Variants in HERPUD2 observed in about 807,000 individuals in gnomAD.
The protein encoded by HERPUD2 is HERPUD family member 2.
In HERPUD2, 13 loss-of-function variants were observed where a neutral mutation model predicts 49.9. The observed-to-expected ratio is 0.26, with a 90% CI of 0.17 to 0.41. HERPUD2 has a LOEUF of 0.41. Among genes scored for constraint, HERPUD2 ranks in the 10% least tolerant of loss-of-function variants. The pLI is 1.00. For synonymous variants in HERPUD2, 172 were observed against 171.4 expected (o/e 1.00, Z -0.03); for missense variants, 449 against 492.2 (o/e 0.91, Z 0.83).
chr7:35,645,327 G>A (rs574472197), intron 5 of HERPUD2, among the ~76,000 whole-genome samples: 17 of 152,236 alleles, frequency 1.1e-4, no homozygotes, highest in African/African-American at 4.1e-4. Flanking sequence ...CTTCCCTATA[G>A]TCATAGATAC....
At chr7:35,692,707 T>C (rs1230166538) in intron 2 of HERPUD2, among the ~76,000 whole-genome samples, 2 of 152,196 alleles carry the variant, frequency 1.3e-5, no homozygotes, top group Non-Finnish European at 2.9e-5. Context: ...CTAATGCCGA[T>C]TAAGAGTTGT....
At chr7:35,639,496 C>T (rs889140141) in intron 5 of HERPUD2, among the ~76,000 whole-genome samples, 3 of 152,162 alleles carry the variant, frequency 2.0e-5, no homozygotes, top group Non-Finnish European at 4.4e-5. Context: ...CTCCCCCATT[C>T]CAACACCGAA....
chr7:35,638,368 T>C lies in HERPUD2; in HGVS notation c.599A>G (p.His200Arg). Residue 200 changes from histidine to arginine, a missense_variant, in exon 6 of 9, where the codon CAT (histidine) becomes CGT (arginine). His to Arg is a conservative substitution (Grantham distance 29). Coordinates refer to ENST00000311350, the MANE Select transcript of HERPUD2 (RefSeq NM_022373.5). The stretch of plus-strand genomic sequence containing the variant: ...AACTTACTACTGCATATAATACTGA[T>C]GAGCATACATCTGTTGCCACCATAG... ...QMLWWQQMYAHQYYMQYQAAV... is the reference protein window; with the variant it reads ...QMLWWQQMYARQYYMQYQAAV... 1 of 1,612,226 alleles carries C rather than the reference T, an allele frequency of 6.2e-7. No individual in the cohort carries two copies. The highest frequency in any genetic ancestry group is 2.2e-5 in the East Asian group (1 of 44,864).
intron 5 of HERPUD2, among the ~76,000 whole-genome samples, chr7:35,639,669 A>G (rs1463403063): frequency 6.6e-6 from 1 of 152,224 alleles, no homozygotes; most frequent in East Asian, 1.9e-4. Context: ...TGGTCTATCC[A>G]GAGTGAGACA....
intron 5 of HERPUD2, among the ~76,000 whole-genome samples, chr7:35,647,981 A>G (rs1247432557): frequency 6.6e-6 from 1 of 152,232 alleles, no homozygotes; most frequent in Non-Finnish European, 1.5e-5. Context: ...CACACCAACA[A>G]ATAAGCAACT....
At chr7:35,688,702 T>C (rs1423350973) in intron 2 of HERPUD2, among the ~76,000 whole-genome samples, 1 of 152,228 alleles carries the variant, frequency 6.6e-6, no homozygotes, top group Non-Finnish European at 1.5e-5. Flanking sequence ...CATATAAATC[T>C]CTTTTTATAG....
chr7:35,671,667 T>C (rs770969960), intron 3 of HERPUD2, among the ~76,000 whole-genome samples: 1 of 152,010 alleles, frequency 6.6e-6, no homozygotes, highest in African/African-American at 2.4e-5. Context: ...AGGGGTACAT[T>C]GACTTTAATA....
Position 35,682,209 on chromosome 7 carries a change from TTG to T in HERPUD2, c.148-8933_148-8932del, listed in dbSNP as rs528354861. ...ATGCGTTATCACGCCTGGCTAATTT[TTG>T]TGTGTGTGTGTGTATATATAGATAT... On this transcript the variant is annotated intron_variant, in intron 2 of 8. Coordinates refer to ENST00000311350, the MANE Select transcript of HERPUD2 (RefSeq NM_022373.5). Among the ~76,000 whole-genome samples, 60 of 138,776 alleles carry T rather than the reference TTG, an allele frequency of 4.3e-4. 1 individual carries two copies. The highest frequency in any genetic ancestry group is 1.7e-3 in the African/African-American group (59 of 34,614). 91.0% of individuals were successfully genotyped at this position (138,776 alleles called of 152,430 possible). A position where few individuals can be genotyped will look rare whatever the true frequency, so the allele number is the denominator to read the frequency against.
chr7:35,686,821 GT>G (rs1562688712), intron 2 of HERPUD2, among the ~76,000 whole-genome samples: 285 of 9,304 alleles, frequency 0.031, 5 homozygotes, highest in African/African-American at 0.046. Flanking sequence ...GGGGGGGGGG[GT>G]GGGGGGGTGG....
chr7:35,639,441 T>C (rs1384222445), intron 5 of HERPUD2, among the ~76,000 whole-genome samples: 7 of 152,238 alleles, frequency 4.6e-5, no homozygotes, highest in African/African-American at 1.2e-4. Context: ...CCTCACAGGA[T>C]TCTTATCCTG....
At chr7:35,692,892 GA>G in intron 2 of HERPUD2, among the ~76,000 whole-genome samples, 1 of 152,256 alleles carries the variant, frequency 6.6e-6, no homozygotes, top group East Asian at 1.9e-4. Flanking sequence ...GTTAAGTGTA[GA>G]AAGCATAGTT....
At chr7:35,690,909 G>A (rs1314787636) in intron 2 of HERPUD2, among the ~76,000 whole-genome samples, 3 of 152,056 alleles carry the variant, frequency 2.0e-5, no homozygotes, top group Non-Finnish European at 2.9e-5. Flanking sequence ...AAATGTCCCC[G>A]TGAATCTTTT....
intron 2 of HERPUD2, among the ~76,000 whole-genome samples, chr7:35,691,531 T>C (rs1262928887): frequency 2.0e-5 from 3 of 152,160 alleles, no homozygotes; most frequent in Non-Finnish European, 4.4e-5. Context: ...AACTTTTTAC[T>C]TACTGGGGCA....
chr7:35,642,142 G>A (rs1474059936), intron 5 of HERPUD2, among the ~76,000 whole-genome samples: 1 of 151,860 alleles, frequency 6.6e-6, no homozygotes, highest in South Asian at 2.1e-4. Flanking sequence ...TTAAAAAGTG[G>A]GCAAAGGACA....
At position 35,634,384 on chromosome 7, in the gene HERPUD2, C is replaced by A. The variant is rs369977452; in HGVS notation, c.987G>T (p.Gln329His). The change falls in exon 8 of 9, where the codon CAG (glutamine) becomes CAT (histidine). Residue 329 changes from glutamine to histidine, a missense_variant. Coordinates refer to ENST00000311350, the MANE Select transcript of HERPUD2 (RefSeq NM_022373.5). ...WFPFRQEGGHQQAPNNNAEVN... is the reference protein window; with the variant it reads ...WFPFRQEGGHHQAPNNNAEVN... ...CTTCGGCATTATTGTTGGGAGCCTG[C>A]TGATGACCTCCTTCTTGCCTAAAAG... 1.1e-5 allele frequency: 18 copies of A among 1,613,836 alleles called. No homozygotes were observed. The African/African-American group carries it at 2.0e-4, about 18-fold the overall frequency.
At chr7:35,649,246 A>G (rs1373693169) in intron 5 of HERPUD2, among the ~76,000 whole-genome samples, 1 of 150,944 alleles carries the variant, frequency 6.6e-6, no homozygotes, top group East Asian at 2.0e-4. Flanking sequence ...GCGAGACTCC[A>G]TCTCTGAAAA....
At chr7:35,660,877 G>A (rs1210753585) in intron 5 of HERPUD2, among the ~76,000 whole-genome samples, 3 of 152,172 alleles carry the variant, frequency 2.0e-5, no homozygotes, top group Non-Finnish European at 2.9e-5. Context: ...AAGCTCTTTA[G>A]TTTAATTAGA....
At chr7:35,634,257 T>C (rs934088643) in intron 8 of HERPUD2, 55 bp downstream of exon 8, 3 of 1,107,032 alleles carry the variant, frequency 2.7e-6, no homozygotes, top group East Asian at 2.4e-5. Context: ...GTTGGTCCCA[T>C]ACCGTGCTGG....
intron 6 of HERPUD2, 108 bp from the exon 7 acceptor site, chr7:35,635,566 G>GT: frequency 1.1e-6 from 1 of 880,184 alleles, no homozygotes. Context: ...ACCTAATATG[G>GT]AATATCCCAA....
Sources: gnomAD v4.1 joint callset for allele counts (sites outside exome capture counted in the v4.1 genomes callset) on GRCh38, gnomAD v4.1.1 for gene constraint, MANE v1.5 for transcripts, NCBI Gene and HGNC (gene_info 2026-07-23, HGNC 2026-07-21) for gene names.